Variants in SERPINA1 observed in about 807,000 individuals in gnomAD.
The protein encoded by SERPINA1 is alpha-1-antitrypsin.
SERPINA1 carries 21 observed loss-of-function variants against 25.4 expected under a neutral mutation model. That is an observed-to-expected ratio of 0.83 (90% CI 0.59 to 1.19). SERPINA1 has a LOEUF of 1.19. Among genes scored for constraint, SERPINA1 ranks in the 50% most tolerant of loss-of-function variants. The pLI, the probability that SERPINA1 is intolerant of heterozygous loss-of-function variation, is 0.00. For missense variants in SERPINA1, 546 were observed against 509.0 expected (o/e 1.07, Z -0.70); for synonymous variants, 218 against 211.1 (o/e 1.03, Z -0.29).
At chr14:94,384,170 C>G (rs1466370669) in intron 1 of SERPINA1, 1 of 152,186 alleles carries the variant, frequency 6.6e-6, no homozygotes, top group Non-Finnish European at 1.5e-5. Flanking sequence ...GAAAAGACAC[C>G]TCTTTTAACT....
chr14:94,386,714 A>T (rs560544094), intron 1 of SERPINA1, among the ~76,000 whole-genome samples: 3 of 152,282 alleles, frequency 2.0e-5, no homozygotes, highest in Admixed American at 1.3e-4. Flanking sequence ...TTCAGCAGGA[A>T]GGGGCTCCTG....
At chr14:94,388,209 A>G (rs71431638) in intron 1 of SERPINA1, among the ~76,000 whole-genome samples, 461 of 152,264 alleles carry the variant, frequency 3.0e-3, no homozygotes, top group Non-Finnish European at 4.7e-3. Context: ...TGCAAACAGA[A>G]AGAAATGGCT....
chr14:94,383,024 T>C lies in SERPINA1; in HGVS notation c.214A>G (p.Thr72Ala). ...YRQLAHQSNS[T>A]NIFFSPVSIA... ...CTCACTGGGGAGAAGAAGATATTGG[T>C]GCTGTTGGACTGGTGTGCCAGCTGG... Residue 72 changes from threonine (T) to alanine (A), a missense_variant, in exon 2 of 5, where the codon ACC (threonine) becomes GCC (alanine). Physicochemically the swap from Thr to Ala is moderately conservative, Grantham distance 58. Coordinates refer to ENST00000393087, the MANE Select transcript of SERPINA1 (RefSeq NM_000295.5). 1 of 1,611,890 alleles carries C rather than the reference T, an allele frequency of 6.2e-7. No individual in the cohort carries two copies. The highest frequency in any genetic ancestry group is 8.5e-7 in the Non-Finnish European group (1 of 1,178,088).
At position 94,377,729 on chromosome 14, in the gene SERPINA1, A is replaced by T. The variant is rs543782194; in HGVS notation, c.*720T>A. 3 of 152,384 alleles carry T rather than the reference A, an allele frequency of 2.0e-5. No homozygotes were observed. The highest frequency in any genetic ancestry group is 7.2e-5 in the African/African-American group (3 of 41,502). The allele number at this position is 152,384 out of a possible 1,614,324, so 9.4% of individuals were successfully genotyped here. A position where few individuals can be genotyped will look rare whatever the true frequency, so the allele number is the denominator to read the frequency against. On this transcript the variant is annotated 3_prime_UTR_variant, in exon 5 of 5. Transcript: ENST00000393087. ...AGAAGGGACCTGATTCTAAACGGAG[A>T]TATGTGAGGCTTTCTGGGGCAGCGA... is the stretch of plus-strand genomic sequence containing the variant.
At chr14:94,386,635 C>T (rs1897306806) in intron 1 of SERPINA1, among the ~76,000 whole-genome samples, 1 of 152,172 alleles carries the variant, frequency 6.6e-6, no homozygotes, top group Non-Finnish European at 1.5e-5. Flanking sequence ...TACCTGCACA[C>T]AGGTTGAGCT....
Position 94,378,549 on chromosome 14 carries a change from G to T in SERPINA1, c.1157C>A (p.Pro386His), listed in dbSNP as rs569384943. Residue 386 changes from proline to histidine, a missense_variant, in exon 5 of 5, where the codon CCC (proline) becomes CAC (histidine). Physicochemically the swap from Pro to His is moderately conservative, Grantham distance 77. Coordinates refer to ENST00000393087, the MANE Select transcript of SERPINA1 (RefSeq NM_000295.5). The stretch of plus-strand genomic sequence containing the variant: ...AAAGGGTTTGTTGAACTTGACCTCG[G>T]GGGGGATAGACATGGGTATGGCCTC... ...FLEAIPMSIP[P>H]EVKFNKPFVF... 11 of 1,613,868 alleles carry T rather than the reference G, an allele frequency of 6.8e-6. No individual in the cohort carries two copies. In the East Asian group the frequency reaches 8.9e-5, roughly 13 times the overall value.
Position 94,377,856 on chromosome 14 carries a change from G to A in SERPINA1, c.*593C>T, listed in dbSNP as rs1279677015. 1 of 156,732 alleles carries A rather than the reference G, an allele frequency of 6.4e-6. No individual in the cohort carries two copies. Among genetic ancestry groups the A allele is most frequent in the Non-Finnish European group, 1.4e-5 (1 of 70,698 alleles). The allele number at this position is 156,732 out of a possible 1,614,324, so 9.7% of individuals were successfully genotyped here. A position where few individuals can be genotyped will look rare whatever the true frequency, so the allele number is the denominator to read the frequency against. On this transcript the variant is annotated 3_prime_UTR_variant, in exon 5 of 5. Coordinates refer to ENST00000393087, the MANE Select transcript of SERPINA1 (RefSeq NM_000295.5). ...TTTCCAGAAGTGCCTGAGAGGTGCA[G>A]GGCCCGAGTCTGGTTAGGTGACAGC... is the stretch of plus-strand genomic sequence containing the variant.
At position 94,382,897 on chromosome 14, in the gene SERPINA1, G is replaced by A. The variant is rs1466151001; in HGVS notation, c.341C>T (p.Ala114Val). Residue 114 changes from alanine to valine, a missense_variant, in exon 2 of 5, where the codon GCT becomes GTT. Physicochemically the swap from Ala to Val is moderately conservative, Grantham distance 64. Transcript: ENST00000393087. ...TTCCTGGAAGCCTTCATGGATCTGA[G>A]CCTCCGGAATCTCCGTGAGGTTGAA... ...LNFNLTEIPE[A>V]QIHEGFQELL... 1.9e-6 allele frequency: 3 copies of A among 1,613,668 alleles called. No individual in the cohort carries two copies. The highest frequency in any genetic ancestry group is 2.5e-6 in the Non-Finnish European group (3 of 1,179,586).
intron 1 of SERPINA1, 25 bp downstream of exon 1, chr14:94,388,535 C>T (rs1319532327): frequency 6.6e-6 from 1 of 152,552 alleles, no homozygotes; most frequent in Non-Finnish European, 1.5e-5. Flanking sequence ...TCTCCAGAAC[C>T]TCTCGCAGTG....
chr14:94,380,799 T>C, intron 3 of SERPINA1, 72 bp downstream of exon 3: 1 of 1,600,674 alleles, frequency 6.2e-7, no homozygotes, highest in South Asian at 1.1e-5. Context: ...TGGCCAGTCC[T>C]GATGGGCCTC....
In SERPINA1 at chr14:94,379,612, C is replaced by A. The variant is rs764950047; in HGVS notation, c.918-1G>T. ...TTTGGGTAAATGTAAGCTGGCAGAC[C>A]TGTCGTGCAGAAAAGAAATTCAAGG... On this transcript the variant is annotated splice_acceptor_variant, in intron 3 of 4. Transcript: ENST00000393087. LOFTEE classifies it high-confidence loss of function. The A allele has an allele frequency of 6.2e-7, 1 of 1,614,158 alleles. No individual in the cohort carries two copies. The highest frequency in any genetic ancestry group is 1.1e-5 in the South Asian group (1 of 91,078).
chr14:94,384,227 A>C (rs1304883035), intron 1 of SERPINA1: 11 of 152,222 alleles, frequency 7.2e-5, no homozygotes, highest in African/African-American at 2.7e-4. Context: ...TTCCAGGTGT[A>C]TGAGCCAGGA....
chr14:94,387,945 T>A (rs566196669), intron 1 of SERPINA1, among the ~76,000 whole-genome samples: 1 of 152,212 alleles, frequency 6.6e-6, no homozygotes, highest in Admixed American at 6.5e-5. Context: ...TGTCCTCCAC[T>A]GGGACAGGAG....
At chr14:94,387,703 G>A (rs3748313) in intron 1 of SERPINA1, among the ~76,000 whole-genome samples, 29,190 of 152,138 alleles carry the variant, frequency 0.19, 3,187 homozygotes, top group South Asian at 0.29. Context: ...TCAAGAGTTT[G>A]GGGACTGGAG....
chr14:94,379,246 G>A, intron 4 of SERPINA1: 2 of 651,818 alleles, frequency 3.1e-6, no homozygotes. Context: ...ACAACCTCAA[G>A]GGAGGCCCCG....
At chr14:94,378,685 G>A (rs368879798) in intron 4 of SERPINA1, 45 bp from the exon 5 acceptor site, 1 of 1,606,222 alleles carries the variant, frequency 6.2e-7, no homozygotes, top group African/African-American at 1.3e-5. Context: ...CTGATCCCAG[G>A]CCTCGAGCAA....
chr14:94,380,822 G>T (rs1335759690), intron 3 of SERPINA1, 49 bp downstream of exon 3: 2 of 1,613,198 alleles, frequency 1.2e-6, no homozygotes, highest in Non-Finnish European at 1.7e-6. Context: ...TCCCAACATG[G>T]CTAAGAGGTG....
At chr14:94,389,390 C>G (rs114409833), upstream of SERPINA1, among the ~76,000 whole-genome samples, 1,084 of 152,308 alleles carry the variant, frequency 7.1e-3, 14 homozygotes, top group African/African-American at 0.025. Flanking sequence ...CTGCACAGCC[C>G]TCTGCTTAGT....
rs1474666886 is a variant in SERPINA1 at position 94,388,291 on chromosome 14, ACCC to A, written c.-5+266_-5+268del. On this transcript the variant is annotated intron_variant, in intron 1 of 4. Coordinates refer to ENST00000393087, the MANE Select transcript of SERPINA1 (RefSeq NM_000295.5). Reference sequence around the variant, plus strand: ...GGGTGCCAGGACTGCAGACCTAGACACCCTCATCCACTTCTGCTTACAGGAACC... The same window carrying A: ...GGGTGCCAGGACTGCAGACCTAGACATCATCCACTTCTGCTTACAGGAACC... 2.6e-5 allele frequency among the ~76,000 whole-genome samples: 4 copies of A among 151,958 alleles called. No homozygotes were observed. The South Asian group carries it at 6.2e-4, about 24-fold the overall frequency.
Sources: gnomAD v4.1 joint callset for allele counts (sites outside exome capture counted in the v4.1 genomes callset) on GRCh38, gnomAD v4.1.1 for gene constraint, MANE v1.5 for transcripts, NCBI Gene and HGNC (gene_info 2026-07-23, HGNC 2026-07-21) for gene names.